MACROD2: variants seen among roughly 807,000 people sequenced by gnomAD.
MACROD2 encodes mono-ADP ribosylhydrolase 2, also known as ADP-ribose glycohydrolase MACROD2.
Under a neutral mutation model 70.4 loss-of-function variants are expected in MACROD2, and 36 were observed. The observed-to-expected ratio is 0.51, with a 90% CI of 0.39 to 0.68. The LOEUF (loss-of-function observed/expected upper bound fraction) is 0.68, where lower values mean the gene tolerates loss of function less well. Among genes scored for constraint, MACROD2 ranks in the 30% least tolerant of loss-of-function variants. MACROD2 has a pLI of 0.00. For synonymous variants in MACROD2, 172 were observed against 178.8 expected (o/e 0.96, Z 0.30); for missense variants, 496 against 538.4 (o/e 0.92, Z 0.78).
In MACROD2 at chr20:14,118,995, G is replaced by A. The variant is rs537300373; in HGVS notation, c.271+33267G>A. Reference sequence around the variant, plus strand: ...TGAGTAGCTGGGACTACAGGCACCCGCCACCATGCTTGGCTAATTTTTGTA... The same window carrying A: ...TGAGTAGCTGGGACTACAGGCACCCACCACCATGCTTGGCTAATTTTTGTA... On this transcript the variant is annotated intron_variant, in intron 3 of 17. Transcript: ENST00000684519. Among the ~76,000 whole-genome samples the A allele has an allele frequency of 4.6e-5, 7 of 151,162 alleles. No homozygotes were observed. The South Asian group carries it at 8.4e-4, about 18-fold the overall frequency.
intron 6 of MACROD2, among the ~76,000 whole-genome samples, chr20:15,282,592 CA>C (rs761053820): frequency 2.4e-4 from 36 of 152,192 alleles, no homozygotes; most frequent in Non-Finnish European, 5.0e-4. Context: ...TAAAGCATAG[CA>C]AGAATCACCT....
intron 5 of MACROD2, among the ~76,000 whole-genome samples, chr20:14,784,724 T>C (rs1184389660): frequency 6.7e-6 from 1 of 148,810 alleles, no homozygotes; most frequent in Non-Finnish European, 1.5e-5. Context: ...TACACTTGAA[T>C]TTTCTAACAG....
chr20:15,037,987 C>T (rs964384219), intron 5 of MACROD2, among the ~76,000 whole-genome samples: 1 of 152,154 alleles, frequency 6.6e-6, no homozygotes, highest in East Asian at 1.9e-4. Flanking sequence ...AATGGATGTG[C>T]CAGTTACCCT....
At chr20:15,400,756 G>T (rs941356986) in intron 6 of MACROD2, among the ~76,000 whole-genome samples, 1 of 152,098 alleles carries the variant, frequency 6.6e-6, no homozygotes, top group African/African-American at 2.4e-5. Flanking sequence ...GAACACATTT[G>T]CCTTTGGCAT....
chr20:15,869,885 C>A (rs2064555500), intron 9 of MACROD2, among the ~76,000 whole-genome samples: 1 of 152,044 alleles, frequency 6.6e-6, no homozygotes, highest in South Asian at 2.1e-4. Flanking sequence ...TATTAATTCA[C>A]TTTACTTGAG....
intron 5 of MACROD2, among the ~76,000 whole-genome samples, chr20:14,990,705 G>A (rs2074895397): frequency 6.6e-6 from 1 of 151,574 alleles, no homozygotes; most frequent in Non-Finnish European, 1.5e-5. Flanking sequence ...GTAGAGGCGG[G>A]GTTTCACCAT....
intron 3 of MACROD2, among the ~76,000 whole-genome samples, chr20:14,296,953 CT>C (rs1380503315): frequency 6.6e-6 from 1 of 151,866 alleles, no homozygotes; most frequent in African/African-American, 2.4e-5. Context: ...TATGTCTTTC[CT>C]TGTGTCTTTC....
chr20:15,233,990 T>C (rs1239014449), intron 6 of MACROD2, among the ~76,000 whole-genome samples: 1 of 70,060 alleles, frequency 1.4e-5, no homozygotes, highest in Non-Finnish European at 3.0e-5. Flanking sequence ...TATTTATATA[T>C]ATATATATAT....
At chr20:15,891,682 T>C (rs1217667075) in intron 10 of MACROD2, among the ~76,000 whole-genome samples, 1 of 152,206 alleles carries the variant, frequency 6.6e-6, no homozygotes, top group African/African-American at 2.4e-5. Context: ...AAGAAAAATA[T>C]TGAGAATGAC....
intron 5 of MACROD2, among the ~76,000 whole-genome samples, chr20:14,906,947 A>G (rs1191733394): frequency 6.6e-6 from 1 of 152,226 alleles, no homozygotes; most frequent in Non-Finnish European, 1.5e-5. Context: ...GAAGGCTAAC[A>G]TGTAAATACA....
At chr20:15,905,356 A>C (rs2065131581) in intron 10 of MACROD2, among the ~76,000 whole-genome samples, 1 of 152,248 alleles carries the variant, frequency 6.6e-6, no homozygotes, top group Non-Finnish European at 1.5e-5. Context: ...GGGCATAGAC[A>C]GTGGATCTTT....
intron 3 of MACROD2, among the ~76,000 whole-genome samples, chr20:14,472,689 T>G: frequency 6.6e-6 from 1 of 152,208 alleles, no homozygotes; most frequent in Admixed American, 6.5e-5. Flanking sequence ...CTGAAGGAGT[T>G]AGAAAAGGTG....
At chr20:14,594,894 A>AAAAC (rs1030699966) in intron 4 of MACROD2, among the ~76,000 whole-genome samples, 2 of 152,334 alleles carry the variant, frequency 1.3e-5, no homozygotes, top group East Asian at 1.9e-4. Flanking sequence ...TCCATCTCAA[A>AAAAC]AAACAAACAA....
intron 5 of MACROD2, among the ~76,000 whole-genome samples, chr20:15,067,637 A>G (rs1013534817): frequency 6.6e-6 from 1 of 152,186 alleles, no homozygotes; most frequent in African/African-American, 2.4e-5. Flanking sequence ...GGTGTGAGCC[A>G]CCATGCCCAG....
At chr20:15,794,458 C>T (rs1225280458) in intron 8 of MACROD2, among the ~76,000 whole-genome samples, 1 of 152,202 alleles carries the variant, frequency 6.6e-6, no homozygotes, top group Non-Finnish European at 1.5e-5. Context: ...ACAGGCATTG[C>T]ACTAGACCGT....
At chr20:15,450,459 TAG>T (rs1383036685) in intron 7 of MACROD2, among the ~76,000 whole-genome samples, 1 of 152,066 alleles carries the variant, frequency 6.6e-6, no homozygotes, top group African/African-American at 2.4e-5. Context: ...CTTTTATTTA[TAG>T]AGATATATAT....
At chr20:15,533,892 G>T (rs982094377) in intron 8 of MACROD2, among the ~76,000 whole-genome samples, 3 of 152,154 alleles carry the variant, frequency 2.0e-5, no homozygotes, top group Non-Finnish European at 4.4e-5. Context: ...TCTAAATGTG[G>T]TACCTTGATG....
At chr20:14,652,047 G>C (rs1985704877) in intron 4 of MACROD2, among the ~76,000 whole-genome samples, 1 of 152,164 alleles carries the variant, frequency 6.6e-6, no homozygotes, top group Non-Finnish European at 1.5e-5. Flanking sequence ...TTATTTGACA[G>C]ATATCAAGGC....
chr20:14,824,138 T>G (rs900235653), intron 5 of MACROD2, among the ~76,000 whole-genome samples: 2 of 152,146 alleles, frequency 1.3e-5, no homozygotes, highest in Non-Finnish European at 2.9e-5. Context: ...TTATTCAGAA[T>G]ATCTCTAAGA....
Sources: allele counts gnomAD v4.1 joint callset (sites outside exome capture counted in the v4.1 genomes callset), GRCh38; gene constraint gnomAD v4.1.1; transcripts MANE v1.5; gene names NCBI Gene and HGNC (gene_info 2026-07-23, HGNC 2026-07-21).